The following EIF2A variants were observed in gnomAD, a reference collection of about 807,000 sequenced individuals.
EIF2A encodes the protein 65 kDa eukaryotic translation initiation factor 2A.
Under a neutral mutation model 75.2 loss-of-function variants are expected in EIF2A, and 62 were observed. That is an observed-to-expected ratio of 0.82 (90% confidence interval 0.67 to 1.02). The LOEUF (loss-of-function observed/expected upper bound fraction) is 1.02, where lower values mean the gene tolerates loss of function less well. EIF2A is among the 50% of genes least tolerant of loss of function. The pLI is 0.00. For synonymous variants in EIF2A, 207 were observed against 239.0 expected (o/e 0.87, Z 1.23); for missense variants, 611 against 677.7 (o/e 0.90, Z 1.09).
intron 2 of EIF2A, among the ~76,000 whole-genome samples, chr3:150,554,608 C>G (rs1723470025): frequency 6.6e-6 from 1 of 152,084 alleles, no homozygotes; most frequent in Non-Finnish European, 1.5e-5. Context: ...AACAAATTCC[C>G]CAGTGATACT....
intron 9 of EIF2A, among the ~76,000 whole-genome samples, chr3:150,570,939 G>A (rs778021131): frequency 2.6e-5 from 4 of 151,900 alleles, no homozygotes; most frequent in Non-Finnish European, 5.9e-5. Flanking sequence ...GGTGGCTCAT[G>A]CCTGTAATCC....
intron 3 of EIF2A, among the ~76,000 whole-genome samples, chr3:150,561,214 T>C (rs1266095326): frequency 2.0e-5 from 3 of 152,200 alleles, no homozygotes; most frequent in Non-Finnish European, 4.4e-5. Flanking sequence ...TCCTCCCACC[T>C]CAGCCTCCCA....
At chr3:150,582,538 T>C (rs936329361) in intron 12 of EIF2A, among the ~76,000 whole-genome samples, 8 of 152,160 alleles carry the variant, frequency 5.3e-5, no homozygotes, top group Middle Eastern at 3.4e-3. Flanking sequence ...ATGGTTTCAA[T>C]CTCCTGACCT....
chr3:150,581,550 C>A, intron 11 of EIF2A, 68 bp from the exon 12 acceptor site: 1 of 1,505,950 alleles, frequency 6.6e-7, no homozygotes, highest in Non-Finnish European at 8.9e-7. Flanking sequence ...TATGCCAAAG[C>A]TATGTTGATT....
At chr3:150,559,392 C>G (rs1723732179) in intron 3 of EIF2A, among the ~76,000 whole-genome samples, 1 of 150,526 alleles carries the variant, frequency 6.6e-6, no homozygotes, top group Non-Finnish European at 1.5e-5. Context: ...GAGACAGGGT[C>G]TTGTTATGTT....
At chr3:150,575,176 T>C (rs1175092109) in intron 10 of EIF2A, among the ~76,000 whole-genome samples, 1 of 152,238 alleles carries the variant, frequency 6.6e-6, no homozygotes. Context: ...TATTTTCTTA[T>C]AATCTATTCT....
chr3:150,560,043 T>TTTTG (rs533138923), intron 3 of EIF2A, among the ~76,000 whole-genome samples: 2 of 152,170 alleles, frequency 1.3e-5, no homozygotes, highest in Non-Finnish European at 2.9e-5. Flanking sequence ...CATTGTCTTT[T>TTTTG]TTTGTTTGTT....
intron 3 of EIF2A, among the ~76,000 whole-genome samples, chr3:150,560,162 A>G (rs550075693): frequency 3.2e-4 from 49 of 152,270 alleles, no homozygotes; most frequent in African/African-American, 1.1e-3. Flanking sequence ...TTAACCTTCT[A>G]TGGGATTCAA....
chr3:150,565,358 C>A, intron 6 of EIF2A: 1 of 330,230 alleles, frequency 3.0e-6, no homozygotes, highest in South Asian at 2.5e-5. Context: ...ATTATTTCAT[C>A]AGTGGTTGCA....
chr3:150,563,351 A>G (rs1213651408), intron 4 of EIF2A, among the ~76,000 whole-genome samples, 164 bp from the exon 5 acceptor site: 1 of 152,174 alleles, frequency 6.6e-6, no homozygotes, highest in African/African-American at 2.4e-5. Flanking sequence ...TGAGTGGGTT[A>G]TGTAACCTTT....
chr3:150,581,848 G>C (rs1725200082), intron 12 of EIF2A, 102 bp downstream of exon 12: 2 of 1,351,190 alleles, frequency 1.5e-6, no homozygotes, highest in Non-Finnish European at 2.0e-6. Flanking sequence ...TAAGAAGTTG[G>C]TATCAGCAGT....
At chr3:150,574,782 G>A (rs892041083) in intron 10 of EIF2A, among the ~76,000 whole-genome samples, 2 of 152,176 alleles carry the variant, frequency 1.3e-5, no homozygotes, top group Admixed American at 6.5e-5. Context: ...AGTAAAATGC[G>A]GATCTGAGAC....
rs1385275914 is a variant in EIF2A at position 150,581,660 on chromosome 3, G to A, written c.1540G>A (p.Ala514Thr). 1.3e-6 allele frequency: 2 copies of A among 1,551,946 alleles called. No individual in the cohort carries two copies. The highest frequency in any genetic ancestry group is 1.7e-6 in the Non-Finnish European group (2 of 1,147,076). ...DKSPDLAPTP[A>T]PQSTPRNTVS... is the part of the protein sequence containing the mutation. ...GAGTCCAGATTTGGCACCTACTCCT[G>A]CCCCACAGAGCACACCACGAAACAC... Residue 514 changes from alanine to threonine, a missense_variant, in exon 12 of 14, where the codon GCC (alanine) becomes ACC (threonine). By Grantham distance (58) the Ala-to-Thr change is moderately conservative. Transcript: ENST00000460851.
intron 2 of EIF2A, 144 bp downstream of exon 2, chr3:150,552,569 A>C: frequency 1.6e-6 from 1 of 631,934 alleles, no homozygotes; most frequent in East Asian, 3.0e-5. Flanking sequence ...GATGAAAAGA[A>C]TACATATTCT....
At position 150,571,942 on chromosome 3, in the gene EIF2A, TA is replaced by T. The variant is rs777054719; in HGVS notation, c.812-15del. 83 of 1,589,006 alleles carry T rather than the reference TA, an allele frequency of 5.2e-5. No homozygotes were observed. Among genetic ancestry groups the T allele is most frequent in the Non-Finnish European group, 6.9e-5 (81 of 1,169,250 alleles). ...AGTTCTTTATTGCTAATTTGGGCTTTATATTCTTTTTCTAGCAAAAAATGGC... is the reference window on the plus strand; with the variant it reads ...AGTTCTTTATTGCTAATTTGGGCTTTTATTCTTTTTCTAGCAAAAAATGGC... On this transcript the variant is annotated splice_polypyrimidine_tract_variant and intron_variant, in intron 9 of 13. Coordinates refer to ENST00000460851, the MANE Select transcript of EIF2A (RefSeq NM_032025.5).
intron 3 of EIF2A, among the ~76,000 whole-genome samples, chr3:150,561,082 G>A (rs1347924167): frequency 1.3e-5 from 2 of 152,036 alleles, no homozygotes; most frequent in Non-Finnish European, 2.9e-5. Context: ...GACATCAAAT[G>A]TCTCCTTACT....
intron 2 of EIF2A, among the ~76,000 whole-genome samples, chr3:150,557,154 C>G (rs1723610454): frequency 6.6e-6 from 1 of 152,046 alleles, no homozygotes; most frequent in South Asian, 2.1e-4. Context: ...AGATGATAGC[C>G]TAGTAACAGT....
intron 11 of EIF2A, among the ~76,000 whole-genome samples, chr3:150,579,338 C>T (rs1283832355): frequency 6.6e-6 from 1 of 152,040 alleles, no homozygotes; most frequent in Non-Finnish European, 1.5e-5. Flanking sequence ...TCTCAAAGTG[C>T]CCAGTAATTT....
At chr3:150,567,810 C>T (rs1474082510) in intron 7 of EIF2A, 44 bp downstream of exon 7, 1 of 1,566,482 alleles carries the variant, frequency 6.4e-7, no homozygotes, top group South Asian at 1.2e-5. Flanking sequence ...GTGTTTAAAC[C>T]TTTTCCTAGT....
Sources: gnomAD v4.1 joint callset for allele counts (sites outside exome capture counted in the v4.1 genomes callset) on GRCh38, gnomAD v4.1.1 for gene constraint, MANE v1.5 for transcripts, NCBI Gene and HGNC (gene_info 2026-07-23, HGNC 2026-07-21) for gene names.